JAKMIP2: variants seen among roughly 807,000 people sequenced by gnomAD.
The protein encoded by JAKMIP2 is janus kinase and microtubule-interacting protein 2.
A neutral mutation model predicts 115.0 loss-of-function variants in JAKMIP2; 25 were observed. The ratio of observed to expected loss-of-function variants is 0.22; its 90% CI spans 0.16 to 0.30. The LOEUF is 0.30. Among genes scored for constraint, JAKMIP2 ranks in the 10% least tolerant of loss-of-function variants. The pLI, the probability that JAKMIP2 is intolerant of heterozygous loss-of-function variation, is 1.00. For synonymous variants in JAKMIP2, 334 were observed against 343.6 expected, an observed-to-expected ratio of 0.97 and a Z score of 0.31; for missense variants, 642 against 957.6, an observed-to-expected ratio of 0.67 and a Z score of 4.35.
chr5:147,661,288 T>A lies in JAKMIP2; in HGVS notation c.287A>T (p.His96Leu), dbSNP rs1231000334. 6 of 1,613,986 alleles carry A rather than the reference T, an allele frequency of 3.7e-6. No individual in the cohort carries two copies. The highest frequency in any genetic ancestry group is 5.1e-6 in the Non-Finnish European group (6 of 1,180,020). Residue 96 changes from histidine to leucine, a missense_variant, in exon 3 of 22, where the codon CAC becomes CTC. Physicochemically the swap from His to Leu is moderately conservative, Grantham distance 99. Transcript: ENST00000616793. The part of the protein sequence containing the change: ...QAVRENLIKQ[H>L]EQEMSRTVKV... Reference sequence around the variant, plus strand: ...CACCGTCCTTGACATTTCCTGCTCGTGCTGCTTGATAAGGTTCTCCCTCAC... The same window carrying A: ...CACCGTCCTTGACATTTCCTGCTCGAGCTGCTTGATAAGGTTCTCCCTCAC...
At chr5:147,623,261 T>G (rs1756938067) in intron 17 of JAKMIP2, among the ~76,000 whole-genome samples, 1 of 151,224 alleles carries the variant, frequency 6.6e-6, no homozygotes, top group African/African-American at 2.4e-5. Context: ...TTCTAATGGA[T>G]GTAAGGTGGC....
At chr5:147,748,324 A>G (rs1240485218) in intron 1 of JAKMIP2, among the ~76,000 whole-genome samples, 1 of 152,308 alleles carries the variant, frequency 6.6e-6, no homozygotes, top group East Asian at 1.9e-4. Context: ...TTCTAATTAT[A>G]AATACCTGAT....
At chr5:147,604,508 G>A (rs1237015495) in intron 20 of JAKMIP2, among the ~76,000 whole-genome samples, 1 of 152,070 alleles carries the variant, frequency 6.6e-6, no homozygotes, top group Non-Finnish European at 1.5e-5. Flanking sequence ...CTGGATGCCT[G>A]GTGGTCTAGC....
At chr5:147,764,934 G>GAAAGAAAGAAAGAAAGAAAGAAAGAAA (rs1755075743) in intron 1 of JAKMIP2, among the ~76,000 whole-genome samples, 2 of 92,038 alleles carry the variant, frequency 2.2e-5, no homozygotes, top group African/African-American at 1.2e-4. Context: ...GAGAGAGAGA[G>GAAAGAAAGAAAGAAAGAAAGAAAGAAA]AGAGAGAGAG....
At chr5:147,596,781 A>AT (rs1479138435) in intron 21 of JAKMIP2, among the ~76,000 whole-genome samples, 1 of 152,236 alleles carries the variant, frequency 6.6e-6, no homozygotes, top group East Asian at 1.9e-4. Flanking sequence ...ATATATTTAC[A>AT]CAAAAAGGAA....
At chr5:147,686,398 T>A (rs1475891828) in intron 1 of JAKMIP2, among the ~76,000 whole-genome samples, 1 of 152,120 alleles carries the variant, frequency 6.6e-6, no homozygotes, top group Non-Finnish European at 1.5e-5. Flanking sequence ...CTCACGCATA[T>A]CTTACCAAAC....
chr5:147,623,573 G>GC (rs748864915), intron 17 of JAKMIP2, 48 bp downstream of exon 17: 4 of 1,243,094 alleles, frequency 3.2e-6, no homozygotes, highest in Admixed American at 3.4e-5. Flanking sequence ...TTTTCCATTT[G>GC]CCTTGTAAGT....
chr5:147,625,690 T>G (rs529017019), intron 16 of JAKMIP2, among the ~76,000 whole-genome samples: 28 of 152,306 alleles, frequency 1.8e-4, no homozygotes, highest in African/African-American at 6.5e-4. Flanking sequence ...CCTTCCTACT[T>G]GTGTAATCCA....
At chr5:147,757,800 C>T (rs1002873332) in intron 1 of JAKMIP2, among the ~76,000 whole-genome samples, 17 of 151,974 alleles carry the variant, frequency 1.1e-4, no homozygotes, top group South Asian at 2.1e-4. Flanking sequence ...CCTGAGGCTC[C>T]GCATCAATCC....
intron 20 of JAKMIP2, among the ~76,000 whole-genome samples, chr5:147,609,879 A>G (rs9686374): frequency 0.94 from 142,888 of 152,182 alleles, 67,593 homozygotes; most frequent in Non-Finnish European, 1. Flanking sequence ...AGCTTTGTTC[A>G]TTTCTTTTCA....
chr5:147,634,545 A>C (rs558964165), intron 12 of JAKMIP2, among the ~76,000 whole-genome samples: 2 of 152,298 alleles, frequency 1.3e-5, no homozygotes, highest in East Asian at 3.9e-4. Context: ...CAATGGTGGA[A>C]TATTTCGAGA....
rs188457757 is a variant in JAKMIP2 at position 147,661,384 on chromosome 5, C to T, written c.191G>A (p.Arg64His). 14 of 1,614,006 alleles carry T rather than the reference C, an allele frequency of 8.7e-6. No individual in the cohort carries two copies. The highest frequency in any genetic ancestry group is 1.6e-4 in the Middle Eastern group (1 of 6,062). Residue 64 changes from arginine to histidine, a missense_variant, in exon 3 of 22, where the codon CGC (arginine) becomes CAC (histidine). Arg to His is a conservative substitution (Grantham distance 29). Transcript: ENST00000616793. ...EAKRIRELEQ[R>H]KHTVLVTELK... is the part of the protein sequence containing the mutation. The stretch of plus-strand genomic sequence containing the variant: ...TTCTGTCACCAGCACCGTGTGCTTG[C>T]GCTGCTCCAGCTCACGAATCCTCTT...
intron 1 of JAKMIP2, among the ~76,000 whole-genome samples, chr5:147,746,184 G>C (rs1336204288): frequency 6.6e-6 from 1 of 152,134 alleles, no homozygotes; most frequent in East Asian, 1.9e-4. Context: ...GAGGAAATAG[G>C]TATATTTAAG....
intron 17 of JAKMIP2, among the ~76,000 whole-genome samples, chr5:147,622,230 G>C (rs377593356): frequency 3.3e-4 from 50 of 152,316 alleles, no homozygotes; most frequent in African/African-American, 1.2e-3. Flanking sequence ...TAGACTTGGT[G>C]AGTAAAAAGA....
At chr5:147,640,966 G>T in intron 8 of JAKMIP2, 143 bp from the exon 9 acceptor site, 4 of 633,306 alleles carry the variant, frequency 6.3e-6, no homozygotes, top group South Asian at 2.6e-5. Context: ...AAAAACATTA[G>T]GCATGAGCAT....
At chr5:147,630,604 T>C (rs1757310533) in intron 14 of JAKMIP2, among the ~76,000 whole-genome samples, 4 of 152,216 alleles carry the variant, frequency 2.6e-5, no homozygotes, top group Non-Finnish European at 5.9e-5. Flanking sequence ...AACAGCAGTA[T>C]AGTAGAGCCC....
chr5:147,695,446 C>T (rs1308338937), intron 1 of JAKMIP2, among the ~76,000 whole-genome samples: 1 of 152,090 alleles, frequency 6.6e-6, no homozygotes, highest in African/African-American at 2.4e-5. Flanking sequence ...TATATCAGTT[C>T]CCACATATCC....
At chr5:147,781,817 C>T (rs576796116) in intron 1 of JAKMIP2, among the ~76,000 whole-genome samples, 25 of 152,222 alleles carry the variant, frequency 1.6e-4, no homozygotes, top group Middle Eastern at 6.8e-3. Flanking sequence ...AAATATGCTT[C>T]ATAAATGCAA....
intron 1 of JAKMIP2, among the ~76,000 whole-genome samples, chr5:147,765,815 T>C (rs942600531): frequency 6.6e-6 from 1 of 152,138 alleles, no homozygotes; most frequent in Non-Finnish European, 1.5e-5. Context: ...TCTATGCACA[T>C]ACAAACAAAT....
Sources: allele counts gnomAD v4.1 joint callset (sites outside exome capture counted in the v4.1 genomes callset), GRCh38; gene constraint gnomAD v4.1.1; transcripts MANE v1.5; gene names NCBI Gene and HGNC (gene_info 2026-07-23, HGNC 2026-07-21).